Variants in ELAPOR1 observed in about 807,000 individuals in gnomAD.
ELAPOR1 encodes the protein endosome/lysosome-associated apoptosis and autophagy regulator 1.
A neutral mutation model predicts 119.7 loss-of-function variants in ELAPOR1; 77 were observed. That is an observed-to-expected ratio of 0.64 (90% confidence interval 0.54 to 0.78). The LOEUF is 0.78. ELAPOR1 is among the 30% of genes least tolerant of loss of function. The probability of loss-of-function intolerance (pLI) is 0.00; values close to 1 mark genes in which losing one functional copy is unlikely to be tolerated. For missense variants in ELAPOR1, 1,115 were observed against 1,270.4 expected (o/e 0.88, Z 1.86); for synonymous variants, 481 against 487.2 (o/e 0.99, Z 0.17).
intron 7 of ELAPOR1, among the ~76,000 whole-genome samples, chr1:109,180,889 T>G (rs531095957): frequency 6.6e-6 from 1 of 151,934 alleles, no homozygotes; most frequent in South Asian, 2.1e-4. Flanking sequence ...CACCTGAGCC[T>G]GGGAGGTAGA....
chr1:109,185,890 A>G (rs1290522624), intron 8 of ELAPOR1, among the ~76,000 whole-genome samples: 1 of 152,156 alleles, frequency 6.6e-6, no homozygotes, highest in Non-Finnish European at 1.5e-5. Context: ...ACAGTCAACA[A>G]ATATTTATCG....
intron 1 of ELAPOR1, among the ~76,000 whole-genome samples, chr1:109,120,036 T>C (rs1025825143): frequency 6.6e-6 from 1 of 152,222 alleles, no homozygotes; most frequent in African/African-American, 2.4e-5. Context: ...TAATCCTCAA[T>C]GCAATGGTAT....
chr1:109,179,637 C>T (rs188671511), intron 7 of ELAPOR1, among the ~76,000 whole-genome samples: 4 of 151,840 alleles, frequency 2.6e-5, no homozygotes, highest in African/African-American at 4.8e-5. Context: ...AGGCCAGGCA[C>T]GGCCATGCCT....
intron 7 of ELAPOR1, among the ~76,000 whole-genome samples, chr1:109,183,546 TC>T (rs1652851260): frequency 6.6e-6 from 1 of 150,698 alleles, no homozygotes; most frequent in African/African-American, 2.5e-5. Context: ...CTTCTTTCTT[TC>T]TTTTCCTTCC....
In ELAPOR1 at chr1:109,188,255, G is replaced by C. The variant is rs1221892811; in HGVS notation, c.1120G>C (p.Gly374Arg). ...GGGGGCAGTGAAGCTGCCTGCCTCTGGTGTGAAGACCCACTGCCCACCCTG... is the reference window on the plus strand; with the variant it reads ...GGGGGCAGTGAAGCTGCCTGCCTCTCGTGTGAAGACCCACTGCCCACCCTG... ...LEGAVKLPAS[G>R]VKTHCPPCNP... Residue 374 changes from glycine to arginine, a missense_variant, in exon 9 of 22, where the codon GGT (glycine) becomes CGT (arginine). Transcript: ENST00000369939. The C allele has an allele frequency of 6.2e-7, 1 of 1,614,074 alleles. No homozygotes were observed. Among genetic ancestry groups the C allele is most frequent in the Admixed American group, 1.7e-5 (1 of 60,014 alleles).
intron 1 of ELAPOR1, among the ~76,000 whole-genome samples, chr1:109,144,323 A>G (rs1650045957): frequency 1.3e-5 from 2 of 151,692 alleles, no homozygotes; most frequent in Admixed American, 1.3e-4. Context: ...AAGTGCTGAG[A>G]TTACAGGCGT....
At chr1:109,174,448 A>AAAAAC (rs1652130850) in intron 7 of ELAPOR1, among the ~76,000 whole-genome samples, 1 of 137,782 alleles carries the variant, frequency 7.3e-6, no homozygotes. Flanking sequence ...AAAAAAAAAA[A>AAAAAC]TCATTCAATA....
chr1:109,184,994 C>A, intron 7 of ELAPOR1, 51 bp from the exon 8 acceptor site: 1 of 1,444,260 alleles, frequency 6.9e-7, no homozygotes, highest in Non-Finnish European at 9.8e-7. Flanking sequence ...AGGCCAGGAG[C>A]TCAGCTTTCT....
rs756352759 is a variant in ELAPOR1 at position 109,203,032 on chromosome 1, C to T, written c.*20C>T. ...CTGTGAGAGGCACTGCCTGCCTCACCTGCCTCCTCACCTTGCATAGCACCT... is the reference window on the plus strand; with the variant it reads ...CTGTGAGAGGCACTGCCTGCCTCACTTGCCTCCTCACCTTGCATAGCACCT... On this transcript the variant is annotated 3_prime_UTR_variant, in exon 22 of 22. Coordinates refer to ENST00000369939, the MANE Select transcript of ELAPOR1 (RefSeq NM_020775.5). 80 of 1,555,014 alleles carry T rather than the reference C, an allele frequency of 5.1e-5. 1 individual carries two copies. The South Asian group carries it at 8.2e-4, about 16-fold the overall frequency.
intron 8 of ELAPOR1, among the ~76,000 whole-genome samples, chr1:109,185,603 T>G (rs1652997223): frequency 6.6e-6 from 1 of 152,054 alleles, no homozygotes; most frequent in African/African-American, 2.4e-5. Context: ...GAACTTTCCC[T>G]CCTAGTCTAC....
At chr1:109,144,132 T>C (rs1650034842) in intron 1 of ELAPOR1, among the ~76,000 whole-genome samples, 2 of 144,394 alleles carry the variant, frequency 1.4e-5, no homozygotes, top group Non-Finnish European at 3.0e-5. Context: ...CGATCTTGGC[T>C]CACCGCAACC....
intron 15 of ELAPOR1, among the ~76,000 whole-genome samples, chr1:109,195,337 CAA>C (rs1653718932): frequency 6.6e-6 from 1 of 151,532 alleles, no homozygotes; most frequent in African/African-American, 2.4e-5. Flanking sequence ...ACTAAAAATA[CAA>C]AAAAATTAGC....
intron 1 of ELAPOR1, among the ~76,000 whole-genome samples, chr1:109,129,494 A>G (rs1649006501): frequency 6.6e-6 from 1 of 152,252 alleles, no homozygotes; most frequent in Non-Finnish European, 1.5e-5. Flanking sequence ...CCTGGGCGAC[A>G]GAGTGAGACT....
intron 3 of ELAPOR1, among the ~76,000 whole-genome samples, chr1:109,166,668 T>C (rs1033720805): frequency 6.6e-6 from 1 of 152,168 alleles, no homozygotes; most frequent in African/African-American, 2.4e-5. Context: ...GAGATTGAAA[T>C]TCGAACCCAA....
intron 1 of ELAPOR1, among the ~76,000 whole-genome samples, chr1:109,153,845 A>G (rs995049782): frequency 1.3e-5 from 2 of 151,708 alleles, no homozygotes; most frequent in Non-Finnish European, 2.9e-5. Flanking sequence ...GCTGGTCTGG[A>G]ACTCCTCACC....
rs1380160773 is a variant in ELAPOR1, at chr1:109,206,673, G to T, written c.*3661G>T. 2.0e-5 allele frequency: 3 copies of T among 151,862 alleles called. No individual in the cohort carries two copies. The highest frequency in any genetic ancestry group is 1.3e-4 in the Admixed American group (2 of 15,246). 9.4% of individuals were successfully genotyped at this position (151,862 alleles called of 1,614,324 possible). ...TGAAATCGAATTTTTTTTCATCAGG[G>T]CTGGTTGGATTTCCTTTTTACCCTG... On this transcript the variant is annotated 3_prime_UTR_variant, in exon 22 of 22. Coordinates refer to ENST00000369939, the MANE Select transcript of ELAPOR1 (RefSeq NM_020775.5).
chr1:109,177,516 G>A (rs1320291981), intron 7 of ELAPOR1, among the ~76,000 whole-genome samples: 4 of 137,488 alleles, frequency 2.9e-5, no homozygotes, highest in Admixed American at 7.2e-5. Flanking sequence ...GGGAAGAGGC[G>A]CTCCTCACTT....
chr1:109,198,685 C>A lies in ELAPOR1; in HGVS notation c.2501+11C>A. 1 of 1,609,042 alleles carries A rather than the reference C, an allele frequency of 6.2e-7. No individual in the cohort carries two copies. Among genetic ancestry groups the A allele is most frequent in the Non-Finnish European group, 8.5e-7 (1 of 1,177,256 alleles). On this transcript the variant is annotated intron_variant, in intron 18 of 21. Coordinates refer to ENST00000369939, the MANE Select transcript of ELAPOR1 (RefSeq NM_020775.5). Reference sequence around the variant, plus strand: ...TTTGCTGCTGCCAGGGTAAGCCCTGCAAAGGGATGTAACAAAGGCCAAAAT... The same window carrying A: ...TTTGCTGCTGCCAGGGTAAGCCCTGAAAAGGGATGTAACAAAGGCCAAAAT...
intron 1 of ELAPOR1, among the ~76,000 whole-genome samples, chr1:109,135,733 A>C (rs1426648763): frequency 6.6e-6 from 1 of 152,176 alleles, no homozygotes. Flanking sequence ...CTGGGGGCAT[A>C]TGACTGAATA....
Sources: allele counts gnomAD v4.1 joint callset (sites outside exome capture counted in the v4.1 genomes callset), GRCh38; gene constraint gnomAD v4.1.1; transcripts MANE v1.5; gene names NCBI Gene and HGNC (gene_info 2026-07-23, HGNC 2026-07-21).